Variants in INPP4B observed in about 807,000 individuals in gnomAD.
INPP4B encodes the protein inositol polyphosphate-4-phosphatase type II B, also known as inositol polyphosphate 4-phosphatase type II.
In INPP4B, 55 loss-of-function variants were observed where a neutral mutation model predicts 122.5. The observed-to-expected ratio is 0.45, with a 90% CI of 0.36 to 0.56. The LOEUF (loss-of-function observed/expected upper bound fraction) is 0.56, where lower values mean the gene tolerates loss of function less well. Ranked by LOEUF, INPP4B falls within the 20% of genes least tolerant of loss-of-function variation. INPP4B has a pLI of 0.00. For missense variants in INPP4B, 1,000 were observed against 1,097.7 expected, an observed-to-expected ratio of 0.91 and a Z score of 1.26; for synonymous variants, 403 against 388.7, an observed-to-expected ratio of 1.04 and a Z score of -0.43.
intron 21 of INPP4B, among the ~76,000 whole-genome samples, chr4:142,117,975 A>G (rs9997383): frequency 1.3e-5 from 2 of 151,926 alleles, no homozygotes; most frequent in Non-Finnish European, 2.9e-5. Flanking sequence ...GTACAAAAAT[A>G]ACAAGCTTTA....
At chr4:142,029,297 C>T in intron 25 of INPP4B, 4 of 986,256 alleles carry the variant, frequency 4.1e-6, no homozygotes, top group Non-Finnish European at 4.8e-6. Flanking sequence ...CCTAAGGATG[C>T]AGGTTCTAGA....
At chr4:142,358,650 T>TTAA (rs71586284) in intron 7 of INPP4B, among the ~76,000 whole-genome samples, 15 of 117,652 alleles carry the variant, frequency 1.3e-4, no homozygotes, top group African/African-American at 4.3e-4. Context: ...CAGTGATTTA[T>TTAA]AAAAAAAAAA....
At chr4:142,416,395 G>T (rs1805777587) in intron 5 of INPP4B, among the ~76,000 whole-genome samples, 1 of 152,112 alleles carries the variant, frequency 6.6e-6, no homozygotes, top group South Asian at 2.1e-4. Context: ...CAGGAGAATT[G>T]CATTGTGCAG....
chr4:142,072,294 C>T (rs1767909507), intron 25 of INPP4B, among the ~76,000 whole-genome samples: 1 of 151,482 alleles, frequency 6.6e-6, no homozygotes, highest in African/African-American at 2.4e-5. Flanking sequence ...AATGAGAACA[C>T]TTGGACACAG....
intron 2 of INPP4B, among the ~76,000 whole-genome samples, chr4:142,534,713 A>T (rs956370815): frequency 2.0e-5 from 3 of 151,036 alleles, no homozygotes; most frequent in Non-Finnish European, 4.4e-5. Flanking sequence ...AGAATAAAAG[A>T]CTAATGATGC....
chr4:142,025,739 T>C lies in INPP4B; in HGVS notation c.*3043A>G, dbSNP rs1736813686. On this transcript the variant is annotated 3_prime_UTR_variant, in exon 26 of 26. Coordinates refer to ENST00000262992, the MANE Select transcript of INPP4B (RefSeq NM_001101669.3). Reference sequence around the variant, plus strand: ...CTTCAGAGTTTTTCAGAAGAGGGGTTAGTCTTATAAAATAAGGGCTGGAGG... The same window carrying C: ...CTTCAGAGTTTTTCAGAAGAGGGGTCAGTCTTATAAAATAAGGGCTGGAGG... 1 of 152,226 alleles carries C rather than the reference T, an allele frequency of 6.6e-6. No individual in the cohort carries two copies. The highest frequency in any genetic ancestry group is 6.5e-5 in the Admixed American group (1 of 15,278). The allele number at this position is 152,226 out of a possible 1,614,324, so 9.4% of individuals were successfully genotyped here.
In INPP4B at chr4:142,675,259, T is replaced by C. The variant is rs563124169; in HGVS notation, c.-191+50580A>G. On this transcript the variant is annotated intron_variant, in intron 2 of 25. Coordinates refer to ENST00000262992, the MANE Select transcript of INPP4B (RefSeq NM_001101669.3). ...AACTAGAAAATCTAGAAGAAATGGATAAATTCCTGGACACAGACACCTTCC... is the reference window on the plus strand; with the variant it reads ...AACTAGAAAATCTAGAAGAAATGGACAAATTCCTGGACACAGACACCTTCC... Among the ~76,000 whole-genome samples the C allele has an allele frequency of 5.3e-5, 8 of 152,210 alleles. 1 individual carries two copies. In the South Asian group the frequency reaches 1.7e-3, roughly 32 times the overall value.
At chr4:142,117,531 C>T (rs1406967290) in intron 21 of INPP4B, among the ~76,000 whole-genome samples, 2 of 152,068 alleles carry the variant, frequency 1.3e-5, no homozygotes, top group African/African-American at 2.4e-5. Flanking sequence ...TAAACATAAT[C>T]CATCACATAA....
intron 1 of INPP4B, among the ~76,000 whole-genome samples, chr4:142,744,042 C>T (rs956424928): frequency 6.6e-6 from 1 of 151,536 alleles, no homozygotes; most frequent in Non-Finnish European, 1.5e-5. Flanking sequence ...ATTCAAAAAA[C>T]CAAAGAAAAT....
chr4:142,105,486 A>G (rs1786568020), intron 23 of INPP4B, among the ~76,000 whole-genome samples: 1 of 152,180 alleles, frequency 6.6e-6, no homozygotes, highest in Non-Finnish European at 1.5e-5. Flanking sequence ...CATTTTGGGA[A>G]GAATATTTAG....
intron 2 of INPP4B, chr4:142,473,359 T>G (rs539269290): frequency 6.6e-6 from 1 of 152,614 alleles, no homozygotes; most frequent in African/African-American, 2.4e-5. Flanking sequence ...CTGGGCTTAA[T>G]GTAGAGTCAG....
intron 2 of INPP4B, among the ~76,000 whole-genome samples, chr4:142,672,371 T>C (rs1757127286): frequency 6.6e-6 from 1 of 152,158 alleles, no homozygotes; most frequent in East Asian, 1.9e-4. Flanking sequence ...GTTTGAGACT[T>C]CCAGCTATTC....
At chr4:142,782,239 T>A (rs909288391) in intron 1 of INPP4B, among the ~76,000 whole-genome samples, 3 of 151,828 alleles carry the variant, frequency 2.0e-5, no homozygotes, top group African/African-American at 7.3e-5. Context: ...GGTGTTTGGT[T>A]TTTTGTCCTT....
chr4:142,507,205 T>A (rs1037798169), intron 2 of INPP4B, among the ~76,000 whole-genome samples: 2 of 152,156 alleles, frequency 1.3e-5, no homozygotes, highest in African/African-American at 4.8e-5. Flanking sequence ...AACAGTGAGA[T>A]CCTTCAGGAT....
At chr4:142,598,584 G>A (rs1388808887) in intron 2 of INPP4B, among the ~76,000 whole-genome samples, 2 of 152,118 alleles carry the variant, frequency 1.3e-5, no homozygotes, top group African/African-American at 4.8e-5. Flanking sequence ...CAGCCCACAG[G>A]AAGTACTATT....
chr4:142,439,266 C>CTA, intron 3 of INPP4B, among the ~76,000 whole-genome samples: 2 of 152,264 alleles, frequency 1.3e-5, no homozygotes, highest in Middle Eastern at 6.8e-3. Context: ...TAAAGCTGTA[C>CTA]TATAGTCTGA....
intron 2 of INPP4B, among the ~76,000 whole-genome samples, chr4:142,697,433 G>A (rs114834578): frequency 6.6e-6 from 1 of 152,240 alleles, no homozygotes; most frequent in Non-Finnish European, 1.5e-5. Context: ...AACGAAATAG[G>A]TAAGCCAAGT....
intron 23 of INPP4B, among the ~76,000 whole-genome samples, chr4:142,105,206 T>C (rs1561131824): frequency 1.3e-5 from 2 of 152,178 alleles, no homozygotes; most frequent in Non-Finnish European, 2.9e-5. Context: ...TGGAGGATAA[T>C]AATATTTGAA....
chr4:142,069,970 CT>C lies in INPP4B; in HGVS notation c.2642+12060del, dbSNP rs1304046951. ...ATCAAAAGAAAAAGAGGGAATCCTC[CT>C]CCCTAACTCATTTATGAGGCCAGCA... On this transcript the variant is annotated intron_variant, in intron 25 of 25. Transcript: ENST00000262992. 4.0e-5 allele frequency among the ~76,000 whole-genome samples: 6 copies of C among 151,826 alleles called. No homozygotes were observed. The East Asian group carries it at 1.2e-3, about 29-fold the overall frequency.
Sources: allele counts gnomAD v4.1 joint callset (sites outside exome capture counted in the v4.1 genomes callset), GRCh38; gene constraint gnomAD v4.1.1; transcripts MANE v1.5; gene names NCBI Gene and HGNC (gene_info 2026-07-23, HGNC 2026-07-21).